Variants in RPS29 observed in about 807,000 individuals in gnomAD.
The protein encoded by RPS29 is small ribosomal subunit protein uS14.
For missense variants in RPS29, 60 were observed against 75.7 expected (o/e 0.79, Z 0.77); for synonymous variants, 37 against 26.9 (o/e 1.37, Z -1.16).
chr14:49,578,196 A>G (rs1249230929), intron 2 of RPS29, among the ~76,000 whole-genome samples: 5 of 152,176 alleles, frequency 3.3e-5, no homozygotes, highest in African/African-American at 1.2e-4. Flanking sequence ...AAATCAGTAG[A>G]ATGAAATCAT....
At chr14:49,573,126 G>C (rs1881097551) in exon 3 of RPS29, 2 of 150,260 alleles carry the variant, frequency 1.3e-5, no homozygotes, top group South Asian at 2.1e-4. Flanking sequence ...GAAAGAAAGA[G>C]AAAGAAAGAA....
chr14:49,575,707 T>A (rs1030982078), exon 3 of RPS29: 1 of 152,068 alleles, frequency 6.6e-6, no homozygotes, highest in Admixed American at 6.6e-5. Flanking sequence ...AAAAATTAGC[T>A]GGGCATTGTG....
downstream of RPS29, among the ~76,000 whole-genome samples, chr14:49,581,282 CCCT>C (rs1881326468): frequency 6.6e-6 from 1 of 152,216 alleles, no homozygotes; most frequent in South Asian, 2.1e-4. Flanking sequence ...GTCACACTTC[CCCT>C]CCTCTCAGAT....
At chr14:49,597,958 T>TA (rs2139525683) in intron 1 of RPS29, 1 of 156,768 alleles carries the variant, frequency 6.4e-6, no homozygotes, top group East Asian at 1.9e-4. Flanking sequence ...CATAATTTTA[T>TA]CTTAATCACT....
At chr14:49,582,012 C>CCAAAAAAAAAAAAAAAAAAA (rs71115379), downstream of RPS29, among the ~76,000 whole-genome samples, 18 of 106,502 alleles carry the variant, frequency 1.7e-4, no homozygotes, top group African/African-American at 8.2e-4. Flanking sequence ...CCCTGCCCCC[C>CCAAAAAAAAAAAAAAAAAAA]AAAAAAAAAA....
At chr14:49,598,486 C>G (rs1156976246) in exon 1 of RPS29, 1 of 702,286 alleles carries the variant, frequency 1.4e-6, no homozygotes, top group Non-Finnish European at 2.6e-6. Context: ...AGGTGTGCCT[C>G]CGGAGAGCAG....
At chr14:49,588,876 CTTTTTTTTTTT>C (rs577408713), upstream of RPS29, among the ~76,000 whole-genome samples, 1 of 92,466 alleles carries the variant, frequency 1.1e-5, no homozygotes, top group Non-Finnish European at 2.3e-5. Flanking sequence ...TTTCTGAGTC[CTTTTTTTTTTT>C]TTTTTTTTTT....
At chr14:49,575,482 AAC>A (rs968161543) in exon 3 of RPS29, 1 of 152,234 alleles carries the variant, frequency 6.6e-6, no homozygotes, top group African/African-American at 2.4e-5. Context: ...ATTTATTTAT[AAC>A]AGTCAGAAGG....
chr14:49,592,363 GTTT>G (rs550587874), intron 1 of RPS29: 4 of 103,702 alleles, frequency 3.9e-5, no homozygotes, highest in Non-Finnish European at 4.0e-5. Flanking sequence ...TAAAGTCTAT[GTTT>G]TTTTTTTTTT....
intron 1 of RPS29, among the ~76,000 whole-genome samples, chr14:49,592,020 T>C (rs776693390): frequency 6.6e-6 from 1 of 152,200 alleles, no homozygotes; most frequent in Non-Finnish European, 1.5e-5. Context: ...TATATCTTTA[T>C]CTGGGAACTT....
chr14:49,598,395 C>A (rs1361698777), intron 1 of RPS29: 3 of 685,036 alleles, frequency 4.4e-6, no homozygotes, highest in Non-Finnish European at 8.0e-6. Flanking sequence ...ACTCCATCCA[C>A]CTACCCGCCA....
rs75067682 is a variant in RPS29 at position 49,583,732 on chromosome 14, C to T, written c.163-57G>A. The T allele has an allele frequency of 9.2e-3, 10,147 of 1,104,492 alleles. 507 individuals carry two copies. In the African/African-American group the frequency reaches 0.12, roughly 13 times the overall value. The allele number at this position is 1,104,492 out of a possible 1,614,324, so 68.4% of individuals were successfully genotyped here. The stretch of plus-strand genomic sequence containing the variant: ...AAATGCTTTAAATCTCTACTTGATT[C>T]TCACAAAAAAAAGGCTCATTATAGA... On this transcript the variant is annotated intron_variant, in intron 2 of 2. Coordinates refer to ENST00000245458, the MANE Select transcript of RPS29 (RefSeq NM_001032.5).
rs1881077337 is a variant in RPS29 at position 49,572,445 on chromosome 14, C to A, written c.*5367G>T. Reference sequence around the variant, plus strand: ...AATTATTGTACATTACTTTTATGAGCTTTTTTTCAAAGTTTAACTAGTATA... The same window carrying A: ...AATTATTGTACATTACTTTTATGAGATTTTTTTCAAAGTTTAACTAGTATA... On this transcript the variant is annotated 3_prime_UTR_variant, in exon 3 of 3. Transcript: ENST00000396020. The A allele has an allele frequency of 2.0e-5, 3 of 152,132 alleles. No individual in the cohort carries two copies. The South Asian group carries it at 6.2e-4, about 31-fold the overall frequency. 9.4% of individuals were successfully genotyped at this position (152,132 alleles called of 1,614,324 possible). A position where few individuals can be genotyped will look rare whatever the true frequency, so the allele number is the denominator to read the frequency against.
intron 2 of RPS29, among the ~76,000 whole-genome samples, chr14:49,584,636 C>T (rs1439827686): frequency 6.6e-6 from 1 of 151,920 alleles, no homozygotes; most frequent in Non-Finnish European, 1.5e-5. Context: ...TGGTGGCAGA[C>T]GCCTGTAATC....
chr14:49,590,795 A>T (rs1881694394), upstream of RPS29, among the ~76,000 whole-genome samples: 1 of 151,256 alleles, frequency 6.6e-6, no homozygotes, highest in African/African-American at 2.4e-5. Flanking sequence ...GGCTTAAGCG[A>T]TTCTCCTGCC....
intron 1 of RPS29, chr14:49,597,932 AGCCACCGCGCCCG>A (rs1881871772): frequency 6.4e-6 from 1 of 155,056 alleles, no homozygotes; most frequent in South Asian, 1.9e-4. Flanking sequence ...TACAGGCGTG[AGCCACCGCGCCCG>A]GCCATAATTT....
intron 1 of RPS29, among the ~76,000 whole-genome samples, chr14:49,596,614 A>G (rs1957979): frequency 0.68 from 103,602 of 152,000 alleles, 36,490 homozygotes; most frequent in Non-Finnish European, 0.74. Flanking sequence ...TACCTTTTTT[A>G]AGACTGACAA....
chr14:49,583,525 T>A, downstream of RPS29: 1 of 880,354 alleles, frequency 1.1e-6, no homozygotes. Flanking sequence ...AGAAAAAGAT[T>A]TCTATAAACA....
upstream of RPS29, among the ~76,000 whole-genome samples, chr14:49,591,353 G>A (rs2048433552): frequency 6.6e-6 from 1 of 151,992 alleles, no homozygotes; most frequent in African/African-American, 2.4e-5. Context: ...CCAGGCTGGA[G>A]GGCAATGGTG....
Sources: gnomAD v4.1 joint callset for allele counts (sites outside exome capture counted in the v4.1 genomes callset) on GRCh38, gnomAD v4.1.1 for gene constraint, MANE v1.5 for transcripts, NCBI Gene and HGNC (gene_info 2026-07-23, HGNC 2026-07-21) for gene names.